The following TBC1D1 variants were observed in gnomAD, a reference collection of about 807,000 sequenced individuals.
TBC1D1 encodes TBC1 (tre-2/USP6, BUB2, cdc16) domain family, member 1.
TBC1D1 carries 89 observed loss-of-function variants against 125.6 expected under a neutral mutation model. The observed-to-expected ratio is 0.71, with a 90% confidence interval of 0.60 to 0.85. TBC1D1 has a LOEUF of 0.85. Ranked by LOEUF, TBC1D1 falls within the 40% of genes least tolerant of loss-of-function variation. TBC1D1 has a pLI of 0.00. For synonymous variants in TBC1D1, 565 were observed against 564.1 expected (o/e 1.00, Z -0.02); for missense variants, 1,377 against 1,469.2 (o/e 0.94, Z 1.03).
At chr4:38,118,440 G>C (rs1763332080) in intron 17 of TBC1D1, 6 of 433,586 alleles carry the variant, frequency 1.4e-5, no homozygotes, top group African/African-American at 1.1e-4. Context: ...GTGTAGATCC[G>C]ATCGCTCACC....
intron 15 of TBC1D1, among the ~76,000 whole-genome samples, chr4:38,113,205 G>C (rs180812956): frequency 1.1e-3 from 167 of 152,298 alleles, no homozygotes; most frequent in Non-Finnish European, 2.0e-3. Flanking sequence ...AGACAACAGA[G>C]CATGAAGCCT....
chr4:38,018,654 G>A (rs985898052), intron 4 of TBC1D1, among the ~76,000 whole-genome samples: 3 of 152,112 alleles, frequency 2.0e-5, no homozygotes, highest in Non-Finnish European at 4.4e-5. Flanking sequence ...CTTAGCAACA[G>A]TAATGGACAA....
chr4:38,109,258 C>T (rs1408836262), intron 15 of TBC1D1, among the ~76,000 whole-genome samples: 1 of 152,228 alleles, frequency 6.6e-6, no homozygotes, highest in African/African-American at 2.4e-5. Context: ...CCACCAGCCA[C>T]ACACATTATT....
At chr4:38,012,518 G>A (rs183886371) in intron 2 of TBC1D1, among the ~76,000 whole-genome samples, 4 of 152,260 alleles carry the variant, frequency 2.6e-5, no homozygotes, top group Admixed American at 1.3e-4. Context: ...CAAGCAATCC[G>A]CCTGCCTTGG....
At chr4:38,071,019 C>T (rs576626989) in intron 12 of TBC1D1, among the ~76,000 whole-genome samples, 10 of 152,256 alleles carry the variant, frequency 6.6e-5, no homozygotes, top group African/African-American at 2.4e-4. Flanking sequence ...GGGGATTTTT[C>T]CCCTTTTCTT....
rs200336838 is a variant in TBC1D1, at chr4:38,014,717, C to G, written c.626C>G (p.Ser209Cys). The G allele has an allele frequency of 5.6e-6, 9 of 1,612,276 alleles. No homozygotes were observed. The East Asian group carries it at 1.8e-4, about 32-fold the overall frequency. The change falls in exon 3 of 20, where the codon TCC (serine) becomes TGC (cysteine). Residue 209 changes from serine (S) to cysteine (C), a missense_variant. Coordinates refer to ENST00000261439, the MANE Select transcript of TBC1D1 (RefSeq NM_015173.4). This position sits in a 1 kb window ranked among gnomAD's most constrained non-coding sequence, Gnocchi z 5.1. ...AATCACGTCAGCGGCAGCCGGGGGTCCGAGAGCCCCCGCCCCAACCCGCCC... is the reference window on the plus strand; with the variant it reads ...AATCACGTCAGCGGCAGCCGGGGGTGCGAGAGCCCCCGCCCCAACCCGCCC...
chr4:38,108,791 G>T (rs1418067152), intron 15 of TBC1D1, among the ~76,000 whole-genome samples: 3 of 152,228 alleles, frequency 2.0e-5, no homozygotes, highest in Non-Finnish European at 4.4e-5. Context: ...AGAACATTTA[G>T]AATCCACAAA....
At chr4:38,125,598 G>A (rs1054360522) in intron 18 of TBC1D1, among the ~76,000 whole-genome samples, 1 of 151,778 alleles carries the variant, frequency 6.6e-6, no homozygotes, top group Non-Finnish European at 1.5e-5. Flanking sequence ...GTTTCATGAT[G>A]TGTGTGTGTG....
At chr4:38,094,761 T>C (rs776548478) in intron 13 of TBC1D1, among the ~76,000 whole-genome samples, 140 of 152,042 alleles carry the variant, frequency 9.2e-4, no homozygotes, top group Non-Finnish European at 1.5e-3. Context: ...TACGTTGGCA[T>C]CCAGAGTCCA....
In TBC1D1 at chr4:38,044,342, T is replaced by C; in HGVS notation, c.1414-20T>C. 1 of 1,590,668 alleles carries C rather than the reference T, an allele frequency of 6.3e-7. No individual in the cohort carries two copies. The stretch of plus-strand genomic sequence containing the variant: ...CAGAGAAGGGAGCGATAAATGACTT[T>C]TCGTTTTTCACTTTTTTAGACATCG... On this transcript the variant is annotated intron_variant, in intron 8 of 19. Coordinates refer to ENST00000261439, the MANE Select transcript of TBC1D1 (RefSeq NM_015173.4).
chr4:38,055,900 C>G (rs557073479), intron 12 of TBC1D1, among the ~76,000 whole-genome samples: 3 of 152,342 alleles, frequency 2.0e-5, no homozygotes, highest in Non-Finnish European at 4.4e-5. Flanking sequence ...TGATTCATGT[C>G]TGAAAGGGGT....
At chr4:37,970,709 G>T (rs2152344513) in intron 2 of TBC1D1, among the ~76,000 whole-genome samples, 1 of 152,342 alleles carries the variant, frequency 6.6e-6, no homozygotes, top group African/African-American at 2.4e-5. Flanking sequence ...ACTCCATTTT[G>T]CTATTTCCTG....
At chr4:38,007,124 C>G in intron 2 of TBC1D1, 2 of 239,020 alleles carry the variant, frequency 8.4e-6, no homozygotes, top group Non-Finnish European at 1.8e-5. Flanking sequence ...TGGCAAGGAA[C>G]TGGAGTCCCT....
intron 2 of TBC1D1, among the ~76,000 whole-genome samples, chr4:37,993,802 G>A (rs747120115): frequency 2.0e-5 from 3 of 152,162 alleles, no homozygotes; most frequent in African/African-American, 4.8e-5. Context: ...GGCTGGTCTC[G>A]AACTCCGGAC....
chr4:38,023,423 G>T (rs977226188), intron 6 of TBC1D1, among the ~76,000 whole-genome samples: 1 of 152,068 alleles, frequency 6.6e-6, no homozygotes, highest in Non-Finnish European at 1.5e-5. Context: ...TCACATTGTT[G>T]TACAGTCCTC....
intron 8 of TBC1D1, 114 bp from the exon 9 acceptor site, chr4:38,044,248 A>G (rs1463186348): frequency 4.2e-6 from 5 of 1,190,626 alleles, no homozygotes; most frequent in Non-Finnish European, 5.9e-6. Context: ...GTGAGATCAC[A>G]GACAGGATCA....
At chr4:37,974,310 A>G (rs150767880) in intron 2 of TBC1D1, among the ~76,000 whole-genome samples, 4 of 152,072 alleles carry the variant, frequency 2.6e-5, no homozygotes, top group African/African-American at 9.6e-5. Flanking sequence ...AACTCACTGC[A>G]GTTTCGACAT....
intron 18 of TBC1D1, among the ~76,000 whole-genome samples, chr4:38,130,015 A>G (rs1477683467): frequency 6.6e-6 from 1 of 152,260 alleles, no homozygotes; most frequent in East Asian, 1.9e-4. Context: ...CTTGGAATGT[A>G]TCCTCAGGAA....
intron 2 of TBC1D1, among the ~76,000 whole-genome samples, chr4:37,935,268 C>T (rs550638451): frequency 8.5e-5 from 13 of 152,294 alleles, no homozygotes; most frequent in African/African-American, 3.1e-4. Flanking sequence ...GTTCCTTCCT[C>T]CAGCTCAGAT....
Sources: allele counts gnomAD v4.1 joint callset (sites outside exome capture counted in the v4.1 genomes callset), GRCh38; gene constraint gnomAD v4.1.1; non-coding constraint Gnocchi (gnomAD v3.1); transcripts MANE v1.5; gene names NCBI Gene and HGNC (gene_info 2026-07-23, HGNC 2026-07-21).